The following DMXL1 variants were observed in gnomAD, a reference collection of about 807,000 sequenced individuals.
DMXL1 encodes the protein dmX-like protein 1.
Under a neutral mutation model 319.2 loss-of-function variants are expected in DMXL1, and 99 were observed. The ratio of observed to expected loss-of-function variants is 0.31; its 90% CI spans 0.26 to 0.37. The LOEUF (loss-of-function observed/expected upper bound fraction) is 0.37. Ranked by LOEUF, DMXL1 falls within the 10% of genes least tolerant of loss-of-function variation. DMXL1 has a pLI of 1.00. For synonymous variants in DMXL1, 1,385 were observed against 1,235.2 expected, an observed-to-expected ratio of 1.12 and a Z score of -2.54; for missense variants, 3,745 against 3,595.6, an observed-to-expected ratio of 1.04 and a Z score of -1.06.
rs771153894 is a variant in DMXL1, at chr5:119,146,966, T to C, written c.2689+10T>C. 1.2e-5 allele frequency: 20 copies of C among 1,610,624 alleles called. No homozygotes were observed. Among genetic ancestry groups the C allele is most frequent in the Non-Finnish European group, 1.5e-5 (18 of 1,178,728 alleles). ...ATTCCTGTCTCATTAGGTGAGTCTT[T>C]TGTGTGTGTGTTTGTGCAACTTTAA... On this transcript the variant is annotated intron_variant, in intron 16 of 43. Transcript: ENST00000539542.
At position 119,167,851 on chromosome 5, in the gene DMXL1, C is replaced by A; in HGVS notation, c.5385C>A (p.Ile1795=). The A allele has an allele frequency of 1.2e-6, 2 of 1,611,582 alleles. No homozygotes were observed. Among genetic ancestry groups the A allele is most frequent in the Non-Finnish European group, 1.7e-6 (2 of 1,179,288 alleles). ...TGGAAACATTAATAAAGCAACCTAT[C>A]AGAGAGAATGATGGTAAGCTGCACT... ...GALETLIKQP[I]RENDDQVLSA... is the part of the protein sequence containing the mutation. The change falls in exon 23 of 44, where the codon ATC becomes ATA. Residue 1795 remains isoleucine (I), a synonymous_variant. Coordinates refer to ENST00000539542, the MANE Select transcript of DMXL1 (RefSeq NM_001290321.3).
At chr5:119,197,711 A>G in intron 31 of DMXL1, 44 bp from the exon 32 acceptor site, 1 of 1,573,846 alleles carries the variant, frequency 6.4e-7, no homozygotes, top group Non-Finnish European at 8.7e-7. Context: ...TGAATATGGC[A>G]TTTTACTGCA....
At chr5:119,128,143 C>G (rs761588881) in intron 9 of DMXL1, 11 of 495,962 alleles carry the variant, frequency 2.2e-5, no homozygotes, top group Non-Finnish European at 2.8e-5. Context: ...CAACTGAACA[C>G]CACCTTCTTT....
chr5:119,165,283 A>C lies in DMXL1; in HGVS notation c.4970+3A>C. 8.3e-7 allele frequency: 1 copy of C among 1,201,280 alleles called. No individual in the cohort carries two copies. Among genetic ancestry groups the C allele is most frequent in the Non-Finnish European group, 1.2e-6 (1 of 850,234 alleles). 74.4% of individuals were successfully genotyped at this position (1,201,280 alleles called of 1,614,324 possible). A position where few individuals can be genotyped will look rare whatever the true frequency, so the allele number is the denominator to read the frequency against. On this transcript the variant is annotated splice_donor_region_variant and intron_variant, in intron 21 of 43. Coordinates refer to ENST00000539542, the MANE Select transcript of DMXL1 (RefSeq NM_001290321.3). ...GCTGTGATTTGGGGATTATATAGGT[A>C]GGTAAAAAAAAAAAAAAAAAAGGGT...
At chr5:119,128,356 C>G in intron 9 of DMXL1, 1 of 281,168 alleles carries the variant, frequency 3.6e-6, no homozygotes, top group South Asian at 4.2e-5. Context: ...ACTGGAAAAT[C>G]CCACGTAGAC....
intron 7 of DMXL1, 28 bp downstream of exon 7, chr5:119,116,364 A>T (rs778428357): frequency 6.3e-7 from 1 of 1,590,034 alleles, no homozygotes; most frequent in Non-Finnish European, 8.6e-7. Context: ...TTCCCTCCAC[A>T]TATTAAGGGA....
intron 7 of DMXL1, among the ~76,000 whole-genome samples, chr5:119,116,625 C>T (rs1328862844): frequency 6.6e-6 from 1 of 152,112 alleles, no homozygotes; most frequent in Non-Finnish European, 1.5e-5. Flanking sequence ...TGTTTTGTGT[C>T]TAATTCTGTC....
intron 38 of DMXL1, among the ~76,000 whole-genome samples, chr5:119,229,658 AC>A (rs1399898300): frequency 6.6e-6 from 1 of 152,162 alleles, no homozygotes; most frequent in East Asian, 1.9e-4. Context: ...CATTCCAAAA[AC>A]ATCTTACTTT....
chr5:119,085,150 G>A (rs1346444977), intron 1 of DMXL1, among the ~76,000 whole-genome samples: 1 of 151,858 alleles, frequency 6.6e-6, no homozygotes, highest in Non-Finnish European at 1.5e-5. Flanking sequence ...CCAGCATGGT[G>A]AAACCCCGTC....
Position 119,147,240 on chromosome 5 carries a change from GT to G in DMXL1, c.2690-5del, listed in dbSNP as rs1370704870. On this transcript the variant is annotated splice_polypyrimidine_tract_variant and splice_region_variant and intron_variant, in intron 16 of 43. Transcript: ENST00000539542. Reference sequence around the variant, plus strand: ...CCTCAGTTTTTGGTTCTTTTCTTATGTTTTGTAGATGAAAAAGTAGATACAA... The same window carrying G: ...CCTCAGTTTTTGGTTCTTTTCTTATGTTTGTAGATGAAAAAGTAGATACAA... 6.2e-7 allele frequency: 1 copy of G among 1,609,052 alleles called. No individual in the cohort carries two copies. The highest frequency in any genetic ancestry group is 1.1e-5 in the South Asian group (1 of 90,638).
At chr5:119,123,704 C>A (rs1580846108) in intron 9 of DMXL1, among the ~76,000 whole-genome samples, 1 of 56,260 alleles carries the variant, frequency 1.8e-5, no homozygotes. Flanking sequence ...CTGTTTTGCC[C>A]AGGCTGGTGT....
chr5:119,110,216 A>C lies in DMXL1; in HGVS notation c.430A>C (p.Thr144Pro), dbSNP rs1313834202. 2 of 1,588,940 alleles carry C rather than the reference A, an allele frequency of 1.3e-6. No homozygotes were observed. Among genetic ancestry groups the C allele is most frequent in the Middle Eastern group, 1.7e-4 (1 of 5,950 alleles). Residue 144 changes from threonine to proline, a missense_variant, in exon 5 of 44, where the codon ACT (threonine) becomes CCT (proline). Physicochemically the swap from Thr to Pro is conservative, Grantham distance 38. Coordinates refer to ENST00000539542, the MANE Select transcript of DMXL1 (RefSeq NM_001290321.3). ...GTCCAATACTAACTTGGAGAAGCCA[A>C]CTGAAGATGAAAATTTAAATAAAAC... ...LWSNTNLEKP[T>P]EDENLNKTDL...
intron 3 of DMXL1, among the ~76,000 whole-genome samples, chr5:119,103,775 A>G (rs909951813): frequency 2.0e-5 from 3 of 152,214 alleles, no homozygotes; most frequent in Admixed American, 6.5e-5. Flanking sequence ...TCAGTACTCA[A>G]TAAATATTTA....
intron 25 of DMXL1, among the ~76,000 whole-genome samples, chr5:119,173,027 G>A (rs1774901728): frequency 6.6e-6 from 1 of 152,088 alleles, no homozygotes; most frequent in South Asian, 2.1e-4. Context: ...TGGTGTATCA[G>A]TTACCTTTTG....
chr5:119,081,494 A>G (rs1216238137), intron 1 of DMXL1: 30 of 853,060 alleles, frequency 3.5e-5, no homozygotes, highest in Non-Finnish European at 4.1e-5. Context: ...TTGAGAACAT[A>G]CTTTGACTCA....
intron 34 of DMXL1, among the ~76,000 whole-genome samples, chr5:119,210,538 T>C (rs868752994): frequency 1.3e-5 from 2 of 152,122 alleles, no homozygotes; most frequent in African/African-American, 4.8e-5. Context: ...CTTGAAAAGA[T>C]TATCTTTTCT....
intron 19 of DMXL1, among the ~76,000 whole-genome samples, chr5:119,162,879 C>T (rs1401148401): frequency 1.3e-5 from 2 of 151,936 alleles, no homozygotes; most frequent in Non-Finnish European, 2.9e-5. Context: ...CAAAGTGTTC[C>T]GTATAGAAAG....
chr5:119,189,779 T>A lies in DMXL1; in HGVS notation c.7207T>A (p.Ser2403Thr). ...FRPSKMSCRE[S>T]APLTPSSAPV... is the part of the protein sequence containing the mutation. ...GCCGTCAAAAATGTCTTGCAGAGAA[T>A]CTGCCCCACTGACCCCTTCCTCGGC... Residue 2403 changes from serine to threonine, a missense_variant, in exon 29 of 44, where the codon TCT (serine) becomes ACT (threonine). Transcript: ENST00000539542. 6.2e-7 allele frequency: 1 copy of A among 1,614,126 alleles called. No individual in the cohort carries two copies. Among genetic ancestry groups the A allele is most frequent in the South Asian group, 1.1e-5 (1 of 91,084 alleles).
rs1396913611 is a variant in DMXL1, at chr5:119,165,064, A to G, written c.4873-119A>G. On this transcript the variant is annotated intron_variant, in intron 20 of 43. Coordinates refer to ENST00000539542, the MANE Select transcript of DMXL1 (RefSeq NM_001290321.3). ...ATATATACATGCACATATTATTCATATACATATTTTTAAAATTTTATTAAA... is the reference window on the plus strand; with the variant it reads ...ATATATACATGCACATATTATTCATGTACATATTTTTAAAATTTTATTAAA... 5 of 642,978 alleles carry G rather than the reference A, an allele frequency of 7.8e-6. No homozygotes were observed. In the Admixed American group the frequency reaches 1.2e-4, roughly 16 times the overall value. 39.8% of individuals were successfully genotyped at this position (642,978 alleles called of 1,614,324 possible). A position where few individuals can be genotyped will look rare whatever the true frequency, so the allele number is the denominator to read the frequency against.
Sources: gnomAD v4.1 joint callset for allele counts (sites outside exome capture counted in the v4.1 genomes callset) on GRCh38, gnomAD v4.1.1 for gene constraint, MANE v1.5 for transcripts, NCBI Gene and HGNC (gene_info 2026-07-23, HGNC 2026-07-21) for gene names.